Variants in PTK2 observed in about 807,000 individuals in gnomAD.
PTK2 encodes the protein protein tyrosine kinase 2.
In PTK2, 45 loss-of-function variants were observed where a neutral mutation model predicts 150.1. The ratio of observed to expected loss-of-function variants is 0.30; its 90% CI spans 0.24 to 0.38. The LOEUF (loss-of-function observed/expected upper bound fraction) is 0.38, where lower values mean the gene tolerates loss of function less well. PTK2 is among the 10% of genes least tolerant of loss of function. The pLI is 1.00. For synonymous variants in PTK2, 432 were observed against 449.2 expected (o/e 0.96, Z 0.48); for missense variants, 919 against 1,307.3 (o/e 0.70, Z 4.58).
At chr8:140,727,239 G>T (rs2100046397) in intron 22 of PTK2, among the ~76,000 whole-genome samples, 1 of 152,172 alleles carries the variant, frequency 6.6e-6, no homozygotes, top group African/African-American at 2.4e-5. Context: ...CCAAAAAGGG[G>T]TAAGAATTAT....
intron 26 of PTK2, among the ~76,000 whole-genome samples, chr8:140,687,937 G>A (rs997870781): frequency 6.6e-6 from 1 of 152,170 alleles, no homozygotes; most frequent in Non-Finnish European, 1.5e-5. Context: ...GGAGGTAGCT[G>A]GCTGAGGTCT....
rs534850802 is a variant in PTK2 at position 140,808,687 on chromosome 8, TA to T, written c.868-5038del. Among the ~76,000 whole-genome samples, 137 of 150,838 alleles carry T rather than the reference TA, an allele frequency of 9.1e-4. 2 individuals carry two copies. In the East Asian group the frequency reaches 0.023, roughly 25 times the overall value. ...GAAACTTAAGTAATATTCTTCTAAA[TA>T]ATGCTATAATGAAAAAGAGAAATAA... On this transcript the variant is annotated intron_variant, in intron 10 of 31. Coordinates refer to ENST00000522684, the Ensembl canonical transcript of PTK2.
intron 3 of PTK2, among the ~76,000 whole-genome samples, chr8:140,882,535 C>T (rs974287093): frequency 6.6e-6 from 1 of 152,138 alleles, no homozygotes; most frequent in African/African-American, 2.4e-5. Flanking sequence ...TCTCTCATAA[C>T]CCAAGTGTCA....
intron 13 of PTK2, among the ~76,000 whole-genome samples, chr8:140,793,088 A>G (rs952398673): frequency 2.0e-5 from 3 of 152,220 alleles, no homozygotes; most frequent in African/African-American, 7.2e-5. Context: ...ATAACATATG[A>G]AGCAAATGTT....
intron 4 of PTK2, among the ~76,000 whole-genome samples, chr8:140,869,782 CA>C (rs577239658): frequency 1.5e-4 from 23 of 151,026 alleles, no homozygotes; most frequent in Non-Finnish European, 3.0e-4. Context: ...GTACTGGTAA[CA>C]GAAAGAATAG....
At chr8:140,887,560 T>G (rs2154607283) in intron 3 of PTK2, among the ~76,000 whole-genome samples, 1 of 152,326 alleles carries the variant, frequency 6.6e-6, no homozygotes, top group East Asian at 1.9e-4. Context: ...AAAACAAATC[T>G]TTAAACTCCT....
chr8:140,995,366 A>G (rs1296855633), intron 1 of PTK2, among the ~76,000 whole-genome samples: 2 of 142,936 alleles, frequency 1.4e-5, no homozygotes, highest in Non-Finnish European at 1.5e-5. Flanking sequence ...CTGGCGACAG[A>G]GCAAGACTCC....
At chr8:140,853,506 C>A (rs1208899249) in intron 5 of PTK2, among the ~76,000 whole-genome samples, 4 of 151,898 alleles carry the variant, frequency 2.6e-5, no homozygotes, top group Non-Finnish European at 5.9e-5. Flanking sequence ...CATGTCCCTA[C>A]AAAGGACATG....
intron 1 of PTK2, among the ~76,000 whole-genome samples, chr8:140,986,452 T>C (rs1236867823): frequency 6.6e-6 from 1 of 152,006 alleles, no homozygotes; most frequent in Non-Finnish European, 1.5e-5. Context: ...AGACAAGAAA[T>C]AAATAACAGG....
chr8:140,971,252 A>T (rs536567120), intron 1 of PTK2, among the ~76,000 whole-genome samples: 30 of 152,242 alleles, frequency 2.0e-4, no homozygotes, highest in Non-Finnish European at 4.0e-4. Flanking sequence ...TTGCTGCACA[A>T]ATTTACAAAA....
intron 10 of PTK2, among the ~76,000 whole-genome samples, chr8:140,811,530 A>C (rs1321425020): frequency 6.6e-6 from 1 of 152,200 alleles, no homozygotes; most frequent in Admixed American, 6.5e-5. Flanking sequence ...AAATGACCGC[A>C]CCACCTCTCC....
chr8:140,972,034 T>C (rs1231082998), intron 1 of PTK2, among the ~76,000 whole-genome samples: 1 of 152,210 alleles, frequency 6.6e-6, no homozygotes, highest in African/African-American at 2.4e-5. Context: ...TATTTCGATG[T>C]ATCCTGTCAG....
chr8:140,803,556 G>C, exon 11 of PTK2: 1 of 1,611,718 alleles, frequency 6.2e-7, no homozygotes, highest in Non-Finnish European at 8.5e-7. Context: ...GGGTGCACCT[G>C]CTATTTTTAG....
At chr8:140,809,617 C>T (rs752071169) in intron 10 of PTK2, among the ~76,000 whole-genome samples, 16 of 152,122 alleles carry the variant, frequency 1.1e-4, no homozygotes, top group Non-Finnish European at 2.1e-4. Context: ...CCAGCTTGGG[C>T]AACATGGCAA....
At chr8:140,947,124 C>A (rs1001386313) in intron 1 of PTK2, among the ~76,000 whole-genome samples, 1 of 152,160 alleles carries the variant, frequency 6.6e-6, no homozygotes, top group Non-Finnish European at 1.5e-5. Context: ...TGAACCACAA[C>A]ACTCCTAGGC....
intron 1 of PTK2, among the ~76,000 whole-genome samples, chr8:140,940,906 G>C (rs1234184752): frequency 1.3e-5 from 2 of 152,046 alleles, no homozygotes; most frequent in Non-Finnish European, 2.9e-5. Flanking sequence ...GGAGGCAGTG[G>C]TTGCAGTGAG....
intron 1 of PTK2, among the ~76,000 whole-genome samples, chr8:140,990,994 G>A (rs2100195514): frequency 1.3e-5 from 2 of 152,120 alleles, no homozygotes; most frequent in African/African-American, 4.8e-5. Flanking sequence ...ATACCTAACA[G>A]ATAATACAGA....
chr8:140,742,069 G>C (rs915426539), intron 20 of PTK2, among the ~76,000 whole-genome samples: 1 of 152,180 alleles, frequency 6.6e-6, no homozygotes, highest in Non-Finnish European at 1.5e-5. Context: ...TCAGGAGGTC[G>C]AGACTGTAAT....
intron 14 of PTK2, among the ~76,000 whole-genome samples, chr8:140,768,919 T>C (rs2100073966): frequency 6.6e-6 from 1 of 152,190 alleles, no homozygotes; most frequent in Non-Finnish European, 1.5e-5. Flanking sequence ...AAGCATTCTT[T>C]CATTTAATCA....
Sources: allele counts gnomAD v4.1 joint callset (sites outside exome capture counted in the v4.1 genomes callset), GRCh38; gene constraint gnomAD v4.1.1; transcripts MANE v1.5; gene names NCBI Gene and HGNC (gene_info 2026-07-23, HGNC 2026-07-21).